The following FSHR variants were observed in gnomAD, a reference collection of about 807,000 sequenced individuals.
FSHR encodes follicle stimulating hormone receptor.
In FSHR, 46 loss-of-function variants were observed where a neutral mutation model predicts 52.1. The ratio of observed to expected loss-of-function variants is 0.88; its 90% confidence interval spans 0.70 to 1.13. The LOEUF (loss-of-function observed/expected upper bound fraction) is 1.13, where lower values mean the gene tolerates loss of function less well. FSHR is among the 50% of genes most tolerant of loss of function. FSHR has a pLI of 0.00. For missense variants in FSHR, 964 were observed against 834.6 expected (o/e 1.16, Z -1.91); for synonymous variants, 399 against 309.6 (o/e 1.29, Z -3.03).
At chr2:48,979,661 C>G (rs1675154751) in intron 8 of FSHR, among the ~76,000 whole-genome samples, 1 of 152,116 alleles carries the variant, frequency 6.6e-6, no homozygotes, top group Non-Finnish European at 1.5e-5. Flanking sequence ...TTTGAAGGAC[C>G]ATCTTAACTC....
intron 2 of FSHR, among the ~76,000 whole-genome samples, chr2:49,028,821 G>T (rs553293262): frequency 1.9e-4 from 29 of 152,280 alleles, no homozygotes; most frequent in African/African-American, 6.0e-4. Context: ...AGCTGCTTTT[G>T]CCCTGGGGTC....
At position 49,149,066 on chromosome 2, in the gene FSHR, T is replaced by A. The variant is rs181197735; in HGVS notation, c.152+5200A>T. Among the ~76,000 whole-genome samples, 343 of 151,964 alleles carry A rather than the reference T, an allele frequency of 2.3e-3. 1 individual carries two copies. Among genetic ancestry groups the A allele is most frequent in the African/African-American group, 3.3e-3 (135 of 41,510 alleles). ...GAAGCAAAGATAATGGTAATTTTTT[T>A]AAAAAAAATATTATTATTAGTAGCA... On this transcript the variant is annotated intron_variant, in intron 1 of 9. Coordinates refer to ENST00000406846, the MANE Select transcript of FSHR (RefSeq NM_000145.4).
intron 8 of FSHR, among the ~76,000 whole-genome samples, chr2:48,981,293 A>G (rs1187600024): frequency 6.6e-6 from 1 of 152,190 alleles, no homozygotes; most frequent in African/African-American, 2.4e-5. Context: ...ACCCCCAATG[A>G]GAATATAAGC....
chr2:48,983,582 G>A (rs1236747187), intron 6 of FSHR, among the ~76,000 whole-genome samples: 3 of 152,152 alleles, frequency 2.0e-5, no homozygotes, highest in Admixed American at 6.5e-5. Context: ...AGAACATTTT[G>A]TGTCACCTTT....
At chr2:49,025,281 G>A (rs1462850092) in intron 2 of FSHR, among the ~76,000 whole-genome samples, 1 of 152,078 alleles carries the variant, frequency 6.6e-6, no homozygotes, top group Non-Finnish European at 1.5e-5. Context: ...ATCAGTGCTG[G>A]GAATCTAAAG....
chr2:49,003,789 CT>C (rs1281351640), intron 4 of FSHR, among the ~76,000 whole-genome samples: 1 of 151,278 alleles, frequency 6.6e-6, no homozygotes, highest in Admixed American at 6.6e-5. Flanking sequence ...ACCCCCACCC[CT>C]TGGAGTAGTG....
intron 4 of FSHR, among the ~76,000 whole-genome samples, chr2:49,008,117 A>C (rs1380100663): frequency 6.8e-6 from 1 of 147,832 alleles, no homozygotes; most frequent in Non-Finnish European, 1.5e-5. Context: ...ATGCTGGTGC[A>C]CTGCACCCAC....
At chr2:49,133,542 T>A (rs1672372502) in intron 1 of FSHR, among the ~76,000 whole-genome samples, 1 of 152,180 alleles carries the variant, frequency 6.6e-6, no homozygotes, top group African/African-American at 2.4e-5. Context: ...TACCAATGAC[T>A]TTCTTCACAG....
chr2:49,072,484 G>C (rs1669773858), intron 1 of FSHR, among the ~76,000 whole-genome samples: 1 of 151,968 alleles, frequency 6.6e-6, no homozygotes, highest in Non-Finnish European at 1.5e-5. Flanking sequence ...ACTACTAAAA[G>C]AAAAATAGAA....
At chr2:48,983,254 A>C in intron 6 of FSHR, 88 bp from the exon 7 acceptor site, 1 of 1,223,060 alleles carries the variant, frequency 8.2e-7, no homozygotes, top group South Asian at 1.2e-5. Flanking sequence ...GCAAGGGCAG[A>C]CAGCACAGGT....
At chr2:49,049,688 C>G (rs1668783460) in intron 2 of FSHR, among the ~76,000 whole-genome samples, 1 of 151,960 alleles carries the variant, frequency 6.6e-6, no homozygotes, top group Non-Finnish European at 1.5e-5. Flanking sequence ...CAAGGAAATC[C>G]CACTCTAACC....
chr2:49,047,139 G>A (rs1178831750), intron 2 of FSHR, among the ~76,000 whole-genome samples: 1 of 152,100 alleles, frequency 6.6e-6, no homozygotes, highest in East Asian at 1.9e-4. Flanking sequence ...TTTTGTTGTT[G>A]TTTTGGGACT....
At chr2:49,008,853 C>T (rs369733812) in intron 4 of FSHR, among the ~76,000 whole-genome samples, 22 of 149,518 alleles carry the variant, frequency 1.5e-4, no homozygotes, top group African/African-American at 2.7e-4. Flanking sequence ...TCATGTCCTT[C>T]GCCCACTTTT....
chr2:49,137,280 T>C (rs938154054), intron 1 of FSHR, among the ~76,000 whole-genome samples: 12 of 152,002 alleles, frequency 7.9e-5, no homozygotes, highest in African/African-American at 2.9e-4. Flanking sequence ...AACTTAGGAA[T>C]AGATTTAACA....
chr2:49,065,894 A>G (rs2104336345), intron 2 of FSHR, among the ~76,000 whole-genome samples: 1 of 152,204 alleles, frequency 6.6e-6, no homozygotes, highest in Admixed American at 6.6e-5. Context: ...GGTATCCCAG[A>G]AGTTAAGTGG....
Position 49,154,426 on chromosome 2 carries a change from A to G in FSHR, c.-9T>C. On this transcript the variant is annotated 5_prime_UTR_variant, in exon 1 of 10. The change abolishes an upstream ATG in the 5' untranslated region. Transcript: ENST00000406846. Reference sequence around the variant, plus strand: ...ACCAGGAGCAGGGCCATAATTATGCATCCATCCACCTGATTTCTTCCTGCA... The same window carrying G: ...ACCAGGAGCAGGGCCATAATTATGCGTCCATCCACCTGATTTCTTCCTGCA... The G allele has an allele frequency of 3.1e-6, 5 of 1,611,994 alleles. No homozygotes were observed. The highest frequency in any genetic ancestry group is 4.2e-6 in the Non-Finnish European group (5 of 1,179,750).
At chr2:49,101,467 G>C (rs1023492980) in intron 1 of FSHR, among the ~76,000 whole-genome samples, 1 of 152,198 alleles carries the variant, frequency 6.6e-6, no homozygotes, top group Non-Finnish European at 1.5e-5. Flanking sequence ...ACAAGGGTAC[G>C]ATTATAGCTA....
rs1671855718 is a variant in FSHR at position 49,122,546 on chromosome 2, G to A, written c.152+31720C>T. 2.0e-5 allele frequency among the ~76,000 whole-genome samples: 3 copies of A among 152,242 alleles called. No homozygotes were observed. In the South Asian group the frequency reaches 6.2e-4, roughly 32 times the overall value. On this transcript the variant is annotated intron_variant, in intron 1 of 9. Transcript: ENST00000406846. ...TCATTTCTAGTTTTATCCTGGCTGAGAGTGTTGTATACCTCATGACTAACC... is the reference window on the plus strand; with the variant it reads ...TCATTTCTAGTTTTATCCTGGCTGAAAGTGTTGTATACCTCATGACTAACC...
chr2:49,102,695 G>A (rs967941776), intron 1 of FSHR, among the ~76,000 whole-genome samples: 2 of 152,064 alleles, frequency 1.3e-5, no homozygotes, highest in Non-Finnish European at 2.9e-5. Context: ...TAGCTTCATG[G>A]ACATTGAAAT....
Sources: gnomAD v4.1 joint callset for allele counts (sites outside exome capture counted in the v4.1 genomes callset) on GRCh38, gnomAD v4.1.1 for gene constraint, MANE v1.5 for transcripts, NCBI Gene and HGNC (gene_info 2026-07-23, HGNC 2026-07-21) for gene names.